Variants in CNBD1 observed in about 807,000 individuals in gnomAD.
CNBD1 encodes cyclic nucleotide-binding domain-containing protein 1.
A neutral mutation model predicts 54.4 loss-of-function variants in CNBD1; 71 were observed. That is an observed-to-expected ratio of 1.30 (90% CI 1.08 to 1.59). CNBD1 has a LOEUF of 1.59. Among genes scored for constraint, CNBD1 ranks in the 40% most tolerant of loss-of-function variants. CNBD1 has a pLI of 0.00. For synonymous variants in CNBD1, 182 were observed against 170.7 expected, an observed-to-expected ratio of 1.07 and a Z score of -0.51; for missense variants, 659 against 518.0, an observed-to-expected ratio of 1.27 and a Z score of -2.64.
At chr8:87,234,538 A>C (rs111402444) in intron 5 of CNBD1, among the ~76,000 whole-genome samples, 3,359 of 152,302 alleles carry the variant, frequency 0.022, 114 homozygotes, top group African/African-American at 0.073. Flanking sequence ...AATGAGCAGT[A>C]GTATTTTGAA....
intron 3 of CNBD1, among the ~76,000 whole-genome samples, chr8:86,931,611 CTCTTA>C (rs1809459459): frequency 6.6e-6 from 1 of 152,158 alleles, no homozygotes; most frequent in Non-Finnish European, 1.5e-5. Flanking sequence ...TGTGGCCTTT[CTCTTA>C]TCTTGCTTTT....
chr8:87,180,251 A>C (rs1160772697), intron 4 of CNBD1, among the ~76,000 whole-genome samples: 1 of 152,232 alleles, frequency 6.6e-6, no homozygotes. Flanking sequence ...TATTTTAAGC[A>C]TGAATTGGTT....
intron 4 of CNBD1, among the ~76,000 whole-genome samples, chr8:87,097,234 ATATT>A (rs1326896655): frequency 6.6e-6 from 1 of 152,120 alleles, no homozygotes; most frequent in Non-Finnish European, 1.5e-5. Flanking sequence ...TTTAAAATAT[ATATT>A]TATATTGTTT....
downstream of CNBD1, among the ~76,000 whole-genome samples, chr8:87,387,188 C>A (rs1489282310): frequency 6.6e-6 from 1 of 152,128 alleles, no homozygotes; most frequent in African/African-American, 2.4e-5. Flanking sequence ...TAGGAAGAAA[C>A]TGCATCAACT....
intron 4 of CNBD1, among the ~76,000 whole-genome samples, chr8:87,138,691 C>G (rs2130736008): frequency 6.6e-6 from 1 of 152,268 alleles, no homozygotes; most frequent in South Asian, 2.1e-4. Context: ...CTCGGGTGTT[C>G]CCATGGAAAC....
At chr8:87,004,921 GATAAA>G (rs757453619) in intron 4 of CNBD1, among the ~76,000 whole-genome samples, 8 of 151,998 alleles carry the variant, frequency 5.3e-5, no homozygotes, top group Non-Finnish European at 1.2e-4. Context: ...AATGGGTGGT[GATAAA>G]ATAAAAATCT....
rs1381930025 is a variant in CNBD1 at position 87,236,902 on chromosome 8, G to T, written c.578-17G>T. 6.4e-7 allele frequency: 1 copy of T among 1,556,314 alleles called. No individual in the cohort carries two copies. The highest frequency in any genetic ancestry group is 8.7e-7 in the Non-Finnish European group (1 of 1,144,124). Reference sequence around the variant, plus strand: ...CCTGAGCACACAGTATATATTTTTTGGCTTTGTTTTTTTCAGTGGTTGCAA... The same window carrying T: ...CCTGAGCACACAGTATATATTTTTTTGCTTTGTTTTTTTCAGTGGTTGCAA... On this transcript the variant is annotated splice_polypyrimidine_tract_variant and intron_variant, in intron 5 of 10. Transcript: ENST00000518476.
chr8:87,131,129 T>TA (rs35510431), intron 4 of CNBD1, among the ~76,000 whole-genome samples: 69,102 of 151,540 alleles, frequency 0.46, 15,904 homozygotes, highest in Non-Finnish European at 0.47. Context: ...TTCCAAATAT[T>TA]AAAAAAAATC....
chr8:87,119,465 C>T (rs1333628970), intron 4 of CNBD1, among the ~76,000 whole-genome samples: 1 of 151,900 alleles, frequency 6.6e-6, no homozygotes, highest in Non-Finnish European at 1.5e-5. Context: ...CTTATCAAAC[C>T]TAGGAGTCTT....
rs1452990683 is a variant in CNBD1, at chr8:87,132,222, T to C, written c.432-73771T>C. Among the ~76,000 whole-genome samples the C allele has an allele frequency of 2.6e-5, 4 of 151,884 alleles. 1 individual carries two copies. Among genetic ancestry groups the C allele is most frequent in the African/African-American group, 9.7e-5 (4 of 41,410 alleles). On this transcript the variant is annotated intron_variant, in intron 4 of 10. Coordinates refer to ENST00000518476, the MANE Select transcript of CNBD1 (RefSeq NM_173538.3). The stretch of plus-strand genomic sequence containing the variant: ...TGTTAAAAAAACTAACAATATATAA[T>C]ACATATAATTAATGGCACTAATAAC...
chr8:87,238,719 C>T (rs942106547), intron 6 of CNBD1, among the ~76,000 whole-genome samples: 7 of 151,972 alleles, frequency 4.6e-5, no homozygotes, highest in South Asian at 4.2e-4. Flanking sequence ...ACCTACCTAC[C>T]GGCCTATTTA....
At chr8:87,155,901 C>T (rs368685913) in intron 4 of CNBD1, among the ~76,000 whole-genome samples, 1 of 152,220 alleles carries the variant, frequency 6.6e-6, no homozygotes, top group South Asian at 2.1e-4. Context: ...ACATTAAACA[C>T]TTTACACACA....
chr8:86,934,910 A>G (rs1809518145), intron 3 of CNBD1, among the ~76,000 whole-genome samples: 1 of 152,240 alleles, frequency 6.6e-6, no homozygotes, highest in East Asian at 1.9e-4. Context: ...CTTTCTGGTA[A>G]TTTCCTTACC....
intron 6 of CNBD1, among the ~76,000 whole-genome samples, chr8:87,264,234 G>C (rs1392176404): frequency 1.3e-5 from 2 of 151,982 alleles, no homozygotes. Flanking sequence ...ACCTATGAGT[G>C]AGAACATGTG....
chr8:87,274,651 T>C lies in CNBD1; in HGVS notation c.772-10027T>C, dbSNP rs566685738. Among the ~76,000 whole-genome samples, 137 of 135,018 alleles carry C rather than the reference T, an allele frequency of 1.0e-3. 31 individuals are homozygous for C. Among genetic ancestry groups the C allele is most frequent in the African/African-American group, 4.1e-3 (136 of 33,376 alleles). The allele number at this position is 135,018 out of a possible 152,430, so 88.6% of individuals were successfully genotyped here. On this transcript the variant is annotated intron_variant, in intron 6 of 10. Coordinates refer to ENST00000518476, the MANE Select transcript of CNBD1 (RefSeq NM_173538.3). ...TTCTTGTAAATTTGTTTGAGTTCAT[T>C]GTAGTTTCTGGATATTAGCCCTTTG... is the stretch of plus-strand genomic sequence containing the variant.
chr8:87,255,486 A>G (rs1266568132), intron 6 of CNBD1, among the ~76,000 whole-genome samples: 1 of 152,172 alleles, frequency 6.6e-6, no homozygotes, highest in Non-Finnish European at 1.5e-5. Flanking sequence ...TAACAATTTA[A>G]CATATACCTG....
In CNBD1 at chr8:86,866,541, G is replaced by T. The variant is rs751448210; in HGVS notation, c.46G>T (p.Ala16Ser). 6.2e-7 allele frequency: 1 copy of T among 1,612,066 alleles called. No individual in the cohort carries two copies. The highest frequency in any genetic ancestry group is 1.3e-5 in the African/African-American group (1 of 74,906). Residue 16 changes from alanine (A) to serine (S), a missense_variant, in exon 1 of 11, where the codon GCT (alanine) becomes TCT (serine). Transcript: ENST00000518476. ...AGCAGCTATTTTGTCTCACATGACA[G>T]CTATTAACAATGTGCCTCCTCCTCC... ...LPAAILSHMT[A>S]INNVPPPPLH...
chr8:87,041,700 G>A (rs1810072975), intron 4 of CNBD1, among the ~76,000 whole-genome samples: 1 of 152,190 alleles, frequency 6.6e-6, no homozygotes, highest in South Asian at 2.1e-4. Context: ...TTGGGAGGCT[G>A]AGGCAGGAGA....
At chr8:87,418,350 A>G (rs537734029) in intron 2 of CNBD1, among the ~76,000 whole-genome samples, 2 of 152,076 alleles carry the variant, frequency 1.3e-5, no homozygotes, top group Admixed American at 6.6e-5. Context: ...ATCTTATACC[A>G]TGTAAAAAAT....
Sources: gnomAD v4.1 joint callset for allele counts (sites outside exome capture counted in the v4.1 genomes callset) on GRCh38, gnomAD v4.1.1 for gene constraint, MANE v1.5 for transcripts, NCBI Gene and HGNC (gene_info 2026-07-23, HGNC 2026-07-21) for gene names.